Variants in AHI1 observed in about 807,000 individuals in gnomAD.
AHI1 encodes the protein jouberin.
A neutral mutation model predicts 149.3 loss-of-function variants in AHI1; 123 were observed. That is an observed-to-expected ratio of 0.82 (90% CI 0.71 to 0.96). The LOEUF is 0.96. AHI1 is among the 40% of genes least tolerant of loss of function. The pLI, the probability that AHI1 is intolerant of heterozygous loss-of-function variation, is 0.00. For missense variants in AHI1, 1,439 were observed against 1,422.7 expected (o/e 1.01, Z -0.18); for synonymous variants, 475 against 459.8 (o/e 1.03, Z -0.42).
At position 135,467,588 on chromosome 6, in the gene AHI1, C is replaced by T; in HGVS notation, c.182G>A (p.Ser61Asn). ...AGTGTTAGCAGTACTTACATCATCACTTGTAGTTTCTTTCATATAGTGAAG... is the reference window on the plus strand; with the variant it reads ...AGTGTTAGCAGTACTTACATCATCATTTGTAGTTTCTTTCATATAGTGAAG... ...SNLHYMKETT[S>N]DDPDTIRSNL... Residue 61 changes from serine (S) to asparagine (N), a missense_variant, in exon 6 of 29, where the codon AGT becomes AAT. Coordinates refer to ENST00000265602, the MANE Select transcript of AHI1 (RefSeq NM_001134831.2). 1 of 1,608,848 alleles carries T rather than the reference C, an allele frequency of 6.2e-7. No individual in the cohort carries two copies. The highest frequency in any genetic ancestry group is 1.1e-5 in the South Asian group (1 of 90,776).
intron 24 of AHI1, among the ~76,000 whole-genome samples, chr6:135,336,206 C>A (rs1789362935): frequency 6.6e-6 from 1 of 150,754 alleles, no homozygotes; most frequent in South Asian, 2.1e-4. Context: ...GCATATATGA[C>A]AGTGGTCCCA....
rs2746424 is a variant in AHI1, at chr6:135,341,626, A to G, written c.3165+16506T>C. 4.1e-3 allele frequency among the ~76,000 whole-genome samples: 631 copies of G among 152,088 alleles called. 4 individuals carry two copies. Among genetic ancestry groups the G allele is most frequent in the South Asian group, 0.015 (73 of 4,824 alleles). On this transcript the variant is annotated intron_variant, in intron 24 of 28. Transcript: ENST00000265602. ...AAATTTTAAAAACCTGAAAGCACAGAAAGTATGTTCTCCAACCATGATAAA... is the reference window on the plus strand; with the variant it reads ...AAATTTTAAAAACCTGAAAGCACAGGAAGTATGTTCTCCAACCATGATAAA...
intron 24 of AHI1, among the ~76,000 whole-genome samples, chr6:135,349,790 C>T (rs1055594571): frequency 4.0e-4 from 61 of 152,280 alleles, no homozygotes; most frequent in African/African-American, 1.1e-3. Context: ...GAACTTTAGA[C>T]CCAAAAGTTG....
At chr6:135,451,804 A>G (rs566563499) in intron 11 of AHI1, among the ~76,000 whole-genome samples, 34 of 151,982 alleles carry the variant, frequency 2.2e-4, no homozygotes, top group African/African-American at 8.2e-4. Context: ...ATAAAACCAC[A>G]CGATGGCACT....
intron 20 of AHI1, among the ~76,000 whole-genome samples, chr6:135,412,819 G>C (rs1432326212): frequency 1.3e-5 from 2 of 152,090 alleles, no homozygotes; most frequent in Non-Finnish European, 1.5e-5. Context: ...TCATAATATG[G>C]AATCAATGGA....
In AHI1 at chr6:135,451,374, CAAACA is replaced by C. The variant is rs1251794931; in HGVS notation, c.1440+1962_1440+1966del. On this transcript the variant is annotated intron_variant, in intron 11 of 28. Transcript: ENST00000265602. ...ATTAATTCCCTCAATATATATTCACCAAACACTTTCTATGTGACATTAATATGCTG... is the reference window on the plus strand; with the variant it reads ...ATTAATTCCCTCAATATATATTCACCCTTTCTATGTGACATTAATATGCTG... Among the ~76,000 whole-genome samples, 14 of 152,230 alleles carry C rather than the reference CAAACA, an allele frequency of 9.2e-5. No individual in the cohort carries two copies. In the East Asian group the frequency reaches 2.7e-3, roughly 29 times the overall value.
intron 5 of AHI1, among the ~76,000 whole-genome samples, chr6:135,489,307 T>C (rs1278163126): frequency 6.6e-6 from 1 of 152,182 alleles, no homozygotes. Flanking sequence ...ACATTTAAAC[T>C]GGACCTTAGG....
chr6:135,335,022 T>G (rs1434964943), intron 24 of AHI1, among the ~76,000 whole-genome samples: 1 of 152,244 alleles, frequency 6.6e-6, no homozygotes, highest in African/African-American at 2.4e-5. Context: ...ACATATATAC[T>G]TATTTCTGCA....
chr6:135,398,627 A>T (rs538532414), intron 22 of AHI1, among the ~76,000 whole-genome samples: 1 of 152,298 alleles, frequency 6.6e-6, no homozygotes, highest in African/African-American at 2.4e-5. Flanking sequence ...ATTATCCAGC[A>T]ATATTCTTTA....
chr6:135,287,504 G>A (rs1035322510), intron 28 of AHI1, among the ~76,000 whole-genome samples: 2 of 152,206 alleles, frequency 1.3e-5, no homozygotes, highest in African/African-American at 2.4e-5. Flanking sequence ...ACACTGGCTT[G>A]ATGAACGCTA....
At chr6:135,391,796 G>GACTA (rs1778539896) in intron 23 of AHI1, among the ~76,000 whole-genome samples, 1 of 152,170 alleles carries the variant, frequency 6.6e-6, no homozygotes, top group Admixed American at 6.5e-5. Flanking sequence ...TAGGTACAGG[G>GACTA]ACTACTGCAA....
rs969178984 is a variant in AHI1, at chr6:135,453,367, G to A, written c.1414C>T (p.Arg472Trp). ...TTAAGAAATGCCCAGGCAATTTTCC[G>A]AAAGCCACATTCTTGGTTTTGAACC... Reference protein sequence around the residue: ...SEVQNQECGFRKIAWAFLKLL... With the variant: ...SEVQNQECGFWKIAWAFLKLL... Residue 472 changes from arginine to tryptophan, a missense_variant, in exon 11 of 29, where the codon CGG becomes TGG. Coordinates refer to ENST00000265602, the MANE Select transcript of AHI1 (RefSeq NM_001134831.2). The A allele has an allele frequency of 8.3e-6, 13 of 1,561,720 alleles. No individual in the cohort carries two copies. Among genetic ancestry groups the A allele is most frequent in the Admixed American group, 3.8e-5 (2 of 52,724 alleles).
intron 26 of AHI1, among the ~76,000 whole-genome samples, chr6:135,309,448 T>C (rs926073079): frequency 2.0e-5 from 3 of 152,012 alleles, no homozygotes; most frequent in South Asian, 2.1e-4. Context: ...GCTATCTGCA[T>C]TGAAATTCTT....
intron 26 of AHI1, among the ~76,000 whole-genome samples, chr6:135,305,803 T>C (rs547246289): frequency 6.6e-6 from 1 of 152,330 alleles, no homozygotes; most frequent in South Asian, 2.1e-4. Flanking sequence ...TCCTCAATCC[T>C]GTCCACTTGT....
chr6:135,401,044 C>A (rs990701997), intron 22 of AHI1, among the ~76,000 whole-genome samples: 3 of 152,146 alleles, frequency 2.0e-5, no homozygotes, highest in Non-Finnish European at 4.4e-5. Context: ...TTTTGGTTTA[C>A]AATTGTTTCC....
intron 8 of AHI1, among the ~76,000 whole-genome samples, chr6:135,459,857 C>T (rs765336458): frequency 7.9e-5 from 12 of 151,772 alleles, no homozygotes; most frequent in East Asian, 3.9e-4. Flanking sequence ...TCGTTATTAA[C>T]GTATTACATG....
chr6:135,413,257 C>T (rs897288778), intron 20 of AHI1, among the ~76,000 whole-genome samples: 2 of 152,100 alleles, frequency 1.3e-5, no homozygotes, highest in African/African-American at 4.8e-5. Context: ...TTGCTTGAGA[C>T]TGGAGGTCGA....
chr6:135,414,149 T>C lies in AHI1; in HGVS notation c.2765-2605A>G, dbSNP rs535054494. Among the ~76,000 whole-genome samples, 3 of 152,258 alleles carry C rather than the reference T, an allele frequency of 2.0e-5. No individual in the cohort carries two copies. In the South Asian group the frequency reaches 6.2e-4, roughly 32 times the overall value. On this transcript the variant is annotated intron_variant, in intron 20 of 28. Transcript: ENST00000265602. ...AAATAAACAGATCAACAGAATAGTA[T>C]AGAGTGCCCAGGGTGTATAGACAAA...
chr6:135,455,161 T>C (rs1368062869), intron 10 of AHI1, among the ~76,000 whole-genome samples: 1 of 152,196 alleles, frequency 6.6e-6, no homozygotes, highest in African/African-American at 2.4e-5. Context: ...ATCACTTTTA[T>C]TCCAAACCTT....
Sources: gnomAD v4.1 joint callset for allele counts (sites outside exome capture counted in the v4.1 genomes callset) on GRCh38, gnomAD v4.1.1 for gene constraint, MANE v1.5 for transcripts, NCBI Gene and HGNC (gene_info 2026-07-23, HGNC 2026-07-21) for gene names.